The following CLEC4C variants were observed in gnomAD, a reference collection of about 807,000 sequenced individuals.
CLEC4C encodes C-type lectin domain family 4 member C.
In CLEC4C, 17 loss-of-function variants were observed where a neutral mutation model predicts 27.7. That is an observed-to-expected ratio of 0.61 (90% CI 0.42 to 0.92). The LOEUF is 0.92. Ranked by LOEUF, CLEC4C falls within the 40% of genes least tolerant of loss-of-function variation. The pLI is 0.00. For synonymous variants in CLEC4C, 80 were observed against 80.8 expected (o/e 0.99, Z 0.06); for missense variants, 244 against 257.3 (o/e 0.95, Z 0.35).
chr12:7,740,712 AAAAG>A (rs1864833879), intron 3 of CLEC4C, among the ~76,000 whole-genome samples: 1 of 150,678 alleles, frequency 6.6e-6, no homozygotes, highest in African/African-American at 2.4e-5. Flanking sequence ...AAAAAGAAAA[AAAAG>A]AAAAGAAAGA....
chr12:7,744,348 C>T (rs894457830), intron 2 of CLEC4C, among the ~76,000 whole-genome samples: 5 of 152,172 alleles, frequency 3.3e-5, no homozygotes, highest in African/African-American at 9.7e-5. Context: ...GATGTATTTA[C>T]AACTAGAAAG....
chr12:7,733,875 G>A lies in CLEC4C; in HGVS notation c.382-2963C>T, dbSNP rs748365145. 6.6e-5 allele frequency among the ~76,000 whole-genome samples: 10 copies of A among 151,460 alleles called. No individual in the cohort carries two copies. The South Asian group carries it at 1.7e-3, about 25-fold the overall frequency. On this transcript the variant is annotated intron_variant, in intron 4 of 5. Transcript: ENST00000360345. Reference sequence around the variant, plus strand: ...CAGGCGTGAGCCACCACACCCAGCCGTCATATATTTTGTTTTGTTTTACTT... The same window carrying A: ...CAGGCGTGAGCCACCACACCCAGCCATCATATATTTTGTTTTGTTTTACTT...
Position 7,733,265 on chromosome 12 carries a change from A to ATT in CLEC4C, c.382-2355_382-2354dup, listed in dbSNP as rs756061476. Among the ~76,000 whole-genome samples the ATT allele has an allele frequency of 7.5e-3, 1,084 of 143,816 alleles. 19 individuals carry two copies. The highest frequency in any genetic ancestry group is 0.026 in the African/African-American group (1,029 of 39,288). The allele number at this position is 143,816 out of a possible 152,430, so 94.3% of individuals were successfully genotyped here. A position where few individuals can be genotyped will look rare whatever the true frequency, so the allele number is the denominator to read the frequency against. On this transcript the variant is annotated intron_variant, in intron 4 of 5. Transcript: ENST00000360345. ...CTATAATCAAATTTTAGAAAGCCAA[A>ATT]TTTTTTTTTTTTTTTGGAGGTGGAG... is the stretch of plus-strand genomic sequence containing the variant.
chr12:7,739,240 G>C (rs1241418287), intron 3 of CLEC4C, among the ~76,000 whole-genome samples: 5 of 151,848 alleles, frequency 3.3e-5, no homozygotes, highest in African/African-American at 4.8e-5. Context: ...AGCCTCCGGA[G>C]TAGCTGGGAC....
intron 4 of CLEC4C, among the ~76,000 whole-genome samples, chr12:7,732,631 C>T (rs1053977984): frequency 2.6e-5 from 4 of 151,770 alleles, no homozygotes; most frequent in African/African-American, 9.7e-5. Flanking sequence ...GGATTACAGG[C>T]GTGAGCCACC....
intron 2 of CLEC4C, among the ~76,000 whole-genome samples, chr12:7,741,904 C>T (rs1864864488): frequency 1.3e-5 from 2 of 152,000 alleles, no homozygotes; most frequent in Non-Finnish European, 2.9e-5. Context: ...ACCTATAATC[C>T]GAGCTACTTG....
At chr12:7,747,980 T>C (rs1865023258), upstream of CLEC4C, among the ~76,000 whole-genome samples, 1 of 150,482 alleles carries the variant, frequency 6.6e-6, no homozygotes, top group African/African-American at 2.4e-5. Flanking sequence ...CAGGTATGTC[T>C]TTATCAGCAG....
At position 7,746,323 on chromosome 12, in the gene CLEC4C, G is replaced by T; in HGVS notation, c.124+8C>A. The T allele has an allele frequency of 6.3e-7, 1 of 1,591,714 alleles. No homozygotes were observed. On this transcript the variant is annotated splice_region_variant and intron_variant, in intron 2 of 5. Coordinates refer to ENST00000360345, the MANE Select transcript of CLEC4C (RefSeq NM_001371390.1). ...CAAGAGATGACTGCACTCCAGCCAAGAACTTACCCACAGAACTCACAGTGA... is the reference window on the plus strand; with the variant it reads ...CAAGAGATGACTGCACTCCAGCCAATAACTTACCCACAGAACTCACAGTGA...
chr12:7,732,341 T>G lies in CLEC4C; in HGVS notation c.382-1429A>C, dbSNP rs144273552. On this transcript the variant is annotated intron_variant, in intron 4 of 5. Coordinates refer to ENST00000360345, the MANE Select transcript of CLEC4C (RefSeq NM_001371390.1). ...CATGATGTCCAGCCACAGGTCACTTTATTTTTTTATTTTTTTTATTTATTT... is the reference window on the plus strand; with the variant it reads ...CATGATGTCCAGCCACAGGTCACTTGATTTTTTTATTTTTTTTATTTATTT... Among the ~76,000 whole-genome samples, 32 of 148,056 alleles carry G rather than the reference T, an allele frequency of 2.2e-4. No individual in the cohort carries two copies. The East Asian group carries it at 6.1e-3, about 28-fold the overall frequency.
At chr12:7,732,998 T>C (rs1029953765) in intron 4 of CLEC4C, among the ~76,000 whole-genome samples, 2 of 151,940 alleles carry the variant, frequency 1.3e-5, no homozygotes, top group African/African-American at 2.4e-5. Flanking sequence ...TAGTTAAAAT[T>C]AGTCATTGTC....
At chr12:7,746,239 A>G in intron 2 of CLEC4C, 92 bp downstream of exon 2, 1 of 773,668 alleles carries the variant, frequency 1.3e-6, no homozygotes, top group South Asian at 1.7e-5. Flanking sequence ...AAAAAGAAAA[A>G]AAAAGAAAGA....
intron 4 of CLEC4C, among the ~76,000 whole-genome samples, chr12:7,733,645 C>T (rs940965969): frequency 1.3e-5 from 2 of 151,580 alleles, no homozygotes; most frequent in African/African-American, 4.9e-5. Context: ...CCATGCCCTG[C>T]TAATTTTTTG....
intron 3 of CLEC4C, among the ~76,000 whole-genome samples, chr12:7,740,828 C>CT (rs1366695575): frequency 1.3e-5 from 2 of 149,938 alleles, no homozygotes; most frequent in Admixed American, 6.8e-5. Flanking sequence ...CTGTTTGATA[C>CT]TTTAATTTTG....
intron 3 of CLEC4C, among the ~76,000 whole-genome samples, chr12:7,738,896 T>C (rs145765147): frequency 0.02 from 3,011 of 152,230 alleles, 46 homozygotes; most frequent in Non-Finnish European, 0.03. Flanking sequence ...ATGTGCCACT[T>C]TGGTGTGCTG....
chr12:7,743,072 T>C (rs1292470078), intron 2 of CLEC4C, among the ~76,000 whole-genome samples: 4 of 152,190 alleles, frequency 2.6e-5, no homozygotes, highest in East Asian at 3.8e-4. Context: ...AGGAATTTCA[T>C]TGTATTCACG....
chr12:7,742,275 G>A (rs1592097143), intron 2 of CLEC4C, among the ~76,000 whole-genome samples: 1 of 152,132 alleles, frequency 6.6e-6, no homozygotes, highest in South Asian at 2.1e-4. Flanking sequence ...TACTTTGGGA[G>A]GCCAAGGCGG....
chr12:7,741,604 G>A (rs1055735395), intron 2 of CLEC4C, 73 bp from the exon 3 acceptor site: 9 of 853,178 alleles, frequency 1.1e-5, no homozygotes, highest in Middle Eastern at 2.3e-4. Flanking sequence ...ATCTTATGCT[G>A]TGGACAGGCA....
chr12:7,732,677 T>C (rs1390216457), intron 4 of CLEC4C, among the ~76,000 whole-genome samples: 3 of 151,692 alleles, frequency 2.0e-5, no homozygotes, highest in Non-Finnish European at 4.4e-5. Flanking sequence ...ATAAAGATAT[T>C]TATGGCCAGG....
At chr12:7,746,814 G>A (rs965138768) in intron 1 of CLEC4C, among the ~76,000 whole-genome samples, 1 of 152,110 alleles carries the variant, frequency 6.6e-6, no homozygotes, top group East Asian at 1.9e-4. Context: ...TTCTAGGCCC[G>A]AGTTGTTTTT....
Sources: gnomAD v4.1 joint callset for allele counts (sites outside exome capture counted in the v4.1 genomes callset) on GRCh38, gnomAD v4.1.1 for gene constraint, MANE v1.5 for transcripts, NCBI Gene and HGNC (gene_info 2026-07-23, HGNC 2026-07-21) for gene names.